The following EDARADD variants were observed in gnomAD, a reference collection of about 807,000 sequenced individuals.
The protein encoded by EDARADD is ectodysplasin-A receptor-associated adapter protein.
A neutral mutation model predicts 25.6 loss-of-function variants in EDARADD; 20 were observed. The observed-to-expected ratio is 0.78, with a 90% CI of 0.55 to 1.14. The LOEUF (loss-of-function observed/expected upper bound fraction) is 1.14. EDARADD is among the 50% of genes most tolerant of loss of function. The pLI, the probability that EDARADD is intolerant of heterozygous loss-of-function variation, is 0.00. For synonymous variants in EDARADD, 86 were observed against 94.4 expected (o/e 0.91, Z 0.52); for missense variants, 225 against 270.1 (o/e 0.83, Z 1.17).
At chr1:236,348,585 A>C (rs1008817000) in intron 1 of EDARADD, 1 of 152,336 alleles carries the variant, frequency 6.6e-6, no homozygotes. Context: ...GACTTTTGCA[A>C]ACAGGGGGCT....
chr1:236,409,216 A>G lies in EDARADD; in HGVS notation c.62A>G (p.Asp21Gly). 1.2e-6 allele frequency: 2 copies of G among 1,611,236 alleles called. No individual in the cohort carries two copies. The highest frequency in any genetic ancestry group is 1.7e-6 in the Non-Finnish European group (2 of 1,178,770). The change falls in exon 2 of 6, where the codon GAT (aspartate) becomes GGT (glycine). Residue 21 changes from aspartate (D) to glycine (G), a missense_variant and splice_region_variant. Coordinates refer to ENST00000334232, the MANE Select transcript of EDARADD (RefSeq NM_145861.4). ...TTGTTTGTTTTTGTTCTTTTTACAG[A>G]TCATATGGTAAAGGAACCAGTGGAA... The part of the protein sequence containing the change: ...RGTKAPGHQE[D>G]HMVKEPVEDT...
upstream of EDARADD, among the ~76,000 whole-genome samples, chr1:236,390,101 G>C (rs1419367589): frequency 1.3e-5 from 2 of 152,186 alleles, no homozygotes; most frequent in Non-Finnish European, 2.9e-5. Context: ...CTGATGTGTA[G>C]GAGCTAAGCT....
intron 5 of EDARADD, among the ~76,000 whole-genome samples, chr1:236,471,879 T>C (rs1352787777): frequency 3.3e-5 from 5 of 152,168 alleles, no homozygotes; most frequent in African/African-American, 1.2e-4. Context: ...ACTGGAGCCG[T>C]TTCTACGCCT....
chr1:236,379,553 C>T (rs1425605780), intron 3 of EDARADD, among the ~76,000 whole-genome samples: 3 of 149,328 alleles, frequency 2.0e-5, no homozygotes, highest in Non-Finnish European at 3.0e-5. Flanking sequence ...CCGAGGCGGG[C>T]AGATCACCTC....
intron 1 of EDARADD, among the ~76,000 whole-genome samples, chr1:236,396,346 C>T (rs956204783): frequency 2.6e-5 from 4 of 152,160 alleles, no homozygotes; most frequent in Admixed American, 2.0e-4. Flanking sequence ...TCTCTCTCTC[C>T]GCTGTCCTAT....
chr1:236,454,675 G>T (rs964249899), intron 4 of EDARADD, among the ~76,000 whole-genome samples: 1 of 152,188 alleles, frequency 6.6e-6, no homozygotes, highest in Non-Finnish European at 1.5e-5. Flanking sequence ...ACAGATGAGG[G>T]AACCTGGGAC....
chr1:236,405,874 C>CTTCCTTCCTTCTTTCTTTCTTTCTTTCT, intron 1 of EDARADD, among the ~76,000 whole-genome samples: 1 of 30,908 alleles, frequency 3.2e-5, no homozygotes, highest in South Asian at 1.3e-3. Context: ...TCCTTCCTTC[C>CTTCCTTCCTTCTTTCTTTCTTTCTTTCT]TTCTTTCTTT....
intron 1 of EDARADD, 104 bp from the exon 2 acceptor site, chr1:236,409,112 G>A: frequency 3.4e-6 from 2 of 591,966 alleles, no homozygotes; most frequent in Non-Finnish European, 5.7e-6. Flanking sequence ...TTCAGCCTAA[G>A]TAAAATTACT....
intron 4 of EDARADD, among the ~76,000 whole-genome samples, chr1:236,448,567 G>A (rs1286462817): frequency 6.6e-6 from 1 of 152,148 alleles, no homozygotes; most frequent in East Asian, 1.9e-4. Flanking sequence ...CAAAATAAAA[G>A]ACTTAGGTTG....
intron 4 of EDARADD, among the ~76,000 whole-genome samples, chr1:236,464,423 CTT>C (rs35064410): frequency 4.0e-4 from 29 of 72,970 alleles, no homozygotes; most frequent in African/African-American, 1.3e-3. Context: ...CTTGCTGCAA[CTT>C]TTTTTTTTTT....
intron 2 of EDARADD, among the ~76,000 whole-genome samples, chr1:236,350,197 G>T (rs995870784): frequency 6.6e-6 from 1 of 152,148 alleles, no homozygotes; most frequent in African/African-American, 2.4e-5. Flanking sequence ...GGCTTTGCAG[G>T]GCTATTTCAA....
chr1:236,400,931 C>T (rs540656870), intron 1 of EDARADD, among the ~76,000 whole-genome samples: 15 of 152,066 alleles, frequency 9.9e-5, no homozygotes, highest in South Asian at 2.1e-4. Context: ...AGCGGTGGCT[C>T]ACGCCTATAA....
chr1:236,357,778 C>A (rs1317651660), intron 3 of EDARADD, among the ~76,000 whole-genome samples: 2 of 151,992 alleles, frequency 1.3e-5, no homozygotes, highest in Admixed American at 6.6e-5. Flanking sequence ...CACCAGGTCC[C>A]ACCTCCAACA....
At chr1:236,465,121 A>G (rs1659151938) in intron 4 of EDARADD, among the ~76,000 whole-genome samples, 1 of 152,042 alleles carries the variant, frequency 6.6e-6, no homozygotes, top group Non-Finnish European at 1.5e-5. Flanking sequence ...CTTCTCTCCT[A>G]GAGGAGTGAT....
In EDARADD at chr1:236,394,424, G is replaced by A. The variant is rs1558108472; in HGVS notation, c.-21G>A. The A allele has an allele frequency of 1.2e-6, 2 of 1,613,996 alleles. No homozygotes were observed. Among genetic ancestry groups the A allele is most frequent in the Middle Eastern group, 3.3e-4 (2 of 6,062 alleles). Reference sequence around the variant, plus strand: ...TCCATGGCAAACTCCAGAGAATTAAGAAGCCAAACTCAACATCGCCATGGG... The same window carrying A: ...TCCATGGCAAACTCCAGAGAATTAAAAAGCCAAACTCAACATCGCCATGGG... On this transcript the variant is annotated 5_prime_UTR_variant, in exon 1 of 6. Coordinates refer to ENST00000334232, the MANE Select transcript of EDARADD (RefSeq NM_145861.4).
chr1:236,484,691 A>T lies in EDARADD; in HGVS notation c.*2042A>T. ...CCACTGCACACCAGTCTGGAGACAGAGTGAGAGTCCGTCCCAGAAAAAAAA... is the reference window on the plus strand; with the variant it reads ...CCACTGCACACCAGTCTGGAGACAGTGTGAGAGTCCGTCCCAGAAAAAAAA... On this transcript the variant is annotated 3_prime_UTR_variant, in exon 6 of 6. Coordinates refer to ENST00000334232, the MANE Select transcript of EDARADD (RefSeq NM_145861.4). The surrounding 1 kb of genome is among the most constrained non-coding windows in gnomAD (Gnocchi z 4.1). 7.6e-6 allele frequency: 2 copies of T among 262,832 alleles called. No individual in the cohort carries two copies. The highest frequency in any genetic ancestry group is 7.9e-5 in the East Asian group (1 of 12,710). 16.3% of individuals were successfully genotyped at this position (262,832 alleles called of 1,614,324 possible).
intron 1 of EDARADD, among the ~76,000 whole-genome samples, chr1:236,401,656 C>T (rs1173917869): frequency 6.6e-6 from 1 of 152,106 alleles, no homozygotes; most frequent in Non-Finnish European, 1.5e-5. Flanking sequence ...GAATGATTAA[C>T]GCTTTTGGGG....
intron 4 of EDARADD, among the ~76,000 whole-genome samples, chr1:236,444,016 G>A (rs558024553): frequency 7.2e-5 from 11 of 152,242 alleles, no homozygotes; most frequent in African/African-American, 2.4e-4. Flanking sequence ...TGAGCAGTCA[G>A]CAGCCATCAG....
intron 5 of EDARADD, among the ~76,000 whole-genome samples, chr1:236,477,221 A>C (rs1227581161): frequency 6.6e-6 from 1 of 152,190 alleles, no homozygotes; most frequent in Non-Finnish European, 1.5e-5. Context: ...AGTCATTAGA[A>C]GAACTGGATT....
Sources: gnomAD v4.1 joint callset for allele counts (sites outside exome capture counted in the v4.1 genomes callset) on GRCh38, gnomAD v4.1.1 for gene constraint, Gnocchi (gnomAD v3.1) non-coding constraint, MANE v1.5 for transcripts, NCBI Gene and HGNC (gene_info 2026-07-23, HGNC 2026-07-21) for gene names.